Variants in EXOSC2 observed in about 807,000 individuals in gnomAD.
The protein encoded by EXOSC2 is exosome complex component RRP4.
EXOSC2 carries 29 observed loss-of-function variants against 37.6 expected under a neutral mutation model. The observed-to-expected ratio is 0.77, with a 90% confidence interval of 0.57 to 1.05. EXOSC2 has a LOEUF of 1.05. Among genes scored for constraint, EXOSC2 ranks in the 50% least tolerant of loss-of-function variants. The probability of loss-of-function intolerance (pLI) is 0.00; values close to 1 mark genes in which losing one functional copy is unlikely to be tolerated. For synonymous variants in EXOSC2, 119 were observed against 131.1 expected (o/e 0.91, Z 0.63); for missense variants, 346 against 365.6 (o/e 0.95, Z 0.44).
chr9:130,695,855 CTT>C (rs397721632), intron 2 of EXOSC2, among the ~76,000 whole-genome samples: 6 of 111,174 alleles, frequency 5.4e-5, no homozygotes, highest in African/African-American at 1.4e-4. Context: ...AGGATTTTCT[CTT>C]TTTTTTTTTT....
In EXOSC2 at chr9:130,695,531, A is replaced by T. The variant is rs148157757; in HGVS notation, c.162A>T (p.Ala54=). The T allele has an allele frequency of 2.5e-6, 4 of 1,614,122 alleles. No homozygotes were observed. In the African/African-American group the frequency reaches 5.3e-5, roughly 22 times the overall value. The stretch of plus-strand genomic sequence containing the variant: ...ATATGGGAGAAGAGAAGCTCATTGC[A>T]TCTGTTGCTGGCTCTGTGGAGAGAG... The part of the protein sequence containing the change: ...GTYMGEEKLI[A]SVAGSVERVN... Residue 54 remains alanine, a synonymous_variant, in exon 2 of 9, where the codon GCA becomes GCT. Transcript: ENST00000372358.
Position 130,703,910 on chromosome 9 carries a change from C to A in EXOSC2, c.*136C>A. ...TTGACGGCCCTGTGACGGCCTCCAG[C>A]CCACAGGCCTGCTTTCTCCTGTCCT... is the stretch of plus-strand genomic sequence containing the variant. On this transcript the variant is annotated 3_prime_UTR_variant, in exon 9 of 9. Coordinates refer to ENST00000372358, the MANE Select transcript of EXOSC2 (RefSeq NM_014285.7). The A allele has an allele frequency of 1.5e-6, 1 of 672,172 alleles. No homozygotes were observed. The highest frequency in any genetic ancestry group is 2.5e-6 in the Non-Finnish European group (1 of 400,282). The allele number at this position is 672,172 out of a possible 1,614,324, so 41.6% of individuals were successfully genotyped here.
intron 2 of EXOSC2, among the ~76,000 whole-genome samples, chr9:130,697,320 G>T (rs1220140973): frequency 6.6e-6 from 1 of 152,158 alleles, no homozygotes; most frequent in East Asian, 1.9e-4. Flanking sequence ...TCGTGTAATC[G>T]AACAAAATAG....
chr9:130,699,724 G>A (rs1017590151), intron 5 of EXOSC2: 2 of 260,764 alleles, frequency 7.7e-6, no homozygotes, highest in African/African-American at 2.2e-5. Flanking sequence ...ATGACAGGCC[G>A]AGTGTGGTGA....
chr9:130,700,208 C>G (rs1359671346), intron 5 of EXOSC2, among the ~76,000 whole-genome samples: 1 of 151,724 alleles, frequency 6.6e-6, no homozygotes, highest in Non-Finnish European at 1.5e-5. Flanking sequence ...TTAGTAGAGA[C>G]AGGTTTCACC....
At position 130,704,571 on chromosome 9, in the gene EXOSC2, C is replaced by G. The variant is rs1061967; in HGVS notation, c.*797C>G. ...AAGCAGCCTTTTGCTTGGTTGGAAT[C>G]TGATTTTCTGTTGCGTGTTCCTTGT... On this transcript the variant is annotated 3_prime_UTR_variant, in exon 9 of 9. Transcript: ENST00000372358. The G allele has an allele frequency of 1.3e-5, 2 of 151,806 alleles. No individual in the cohort carries two copies. The highest frequency in any genetic ancestry group is 2.4e-5 in the African/African-American group (1 of 41,382). The allele number at this position is 151,806 out of a possible 1,614,324, so 9.4% of individuals were successfully genotyped here. A position where few individuals can be genotyped will look rare whatever the true frequency, so the allele number is the denominator to read the frequency against.
At chr9:130,702,349 G>A in intron 7 of EXOSC2, 39 bp downstream of exon 7, 1 of 1,566,820 alleles carries the variant, frequency 6.4e-7, no homozygotes, top group South Asian at 1.1e-5. Flanking sequence ...GGGATGGAGG[G>A]GGCTCAGTCT....
chr9:130,701,972 GTT>G, intron 6 of EXOSC2, 160 bp from the exon 7 acceptor site: 2 of 1,428,102 alleles, frequency 1.4e-6, no homozygotes, highest in Non-Finnish European at 1.8e-6. Context: ...GTCCCAAAGC[GTT>G]CTCTGCAAAA....
Position 130,703,035 on chromosome 9 carries a change from C to G in EXOSC2, c.673-18C>G. Reference sequence around the variant, plus strand: ...GTCCTGTTTGTATTTCCCTTCCCCTCTCTGTGTCTCCTTATAGCCTGTCTC... The same window carrying G: ...GTCCTGTTTGTATTTCCCTTCCCCTGTCTGTGTCTCCTTATAGCCTGTCTC... On this transcript the variant is annotated intron_variant, in intron 7 of 8. Coordinates refer to ENST00000372358, the MANE Select transcript of EXOSC2 (RefSeq NM_014285.7). 6.2e-7 allele frequency: 1 copy of G among 1,602,876 alleles called. No homozygotes were observed. The highest frequency in any genetic ancestry group is 8.5e-7 in the Non-Finnish European group (1 of 1,172,376).
At chr9:130,699,871 G>C (rs1236968707) in intron 5 of EXOSC2, 1 of 161,758 alleles carries the variant, frequency 6.2e-6, no homozygotes, top group African/African-American at 2.4e-5. Context: ...GCCGGGCGTG[G>C]TGGCACATGC....
In EXOSC2 at chr9:130,694,640, A is replaced by G. The variant is rs1167091147; in HGVS notation, c.122+727A>G. Among the ~76,000 whole-genome samples the G allele has an allele frequency of 5.9e-5, 9 of 152,054 alleles. No homozygotes were observed. The highest frequency in any genetic ancestry group is 4.4e-5 in the Non-Finnish European group (3 of 67,980). ...CAACCTTTATTATTATTATTTTTTT[A>G]CTTGTATATGTACAAGGGGCACAGC... On this transcript the variant is annotated intron_variant, in intron 1 of 8. Transcript: ENST00000372358. This position sits in a 1 kb window ranked among gnomAD's most constrained non-coding sequence, Gnocchi z 4.0.
chr9:130,703,643 T>G (rs773114946), intron 8 of EXOSC2, 51 bp from the exon 9 acceptor site: 1 of 1,410,640 alleles, frequency 7.1e-7, no homozygotes, highest in Non-Finnish European at 9.9e-7. Context: ...GGCTTGGTGG[T>G]CTGTTTATGG....
intron 2 of EXOSC2, among the ~76,000 whole-genome samples, chr9:130,696,603 G>A (rs1042821812): frequency 3.3e-5 from 5 of 152,182 alleles, no homozygotes; most frequent in African/African-American, 1.2e-4. Context: ...TTTATTTTCC[G>A]AGTGTTTTTT....
chr9:130,693,916 A>G lies in EXOSC2; in HGVS notation c.122+3A>G, dbSNP rs1176747699. ...ACTACGGACACAGGATTCATGCGGT[A>G]CGTGGGGACTTGGGGGAGTCGAGGC... is the stretch of plus-strand genomic sequence containing the variant. On this transcript the variant is annotated splice_donor_region_variant and intron_variant, in intron 1 of 8. Coordinates refer to ENST00000372358, the MANE Select transcript of EXOSC2 (RefSeq NM_014285.7). 1 of 1,599,786 alleles carries G rather than the reference A, an allele frequency of 6.3e-7. No homozygotes were observed. Among genetic ancestry groups the G allele is most frequent in the South Asian group, 1.1e-5 (1 of 90,362 alleles).
rs954298339 is a variant in EXOSC2 at position 130,702,122 on chromosome 9, A to G, written c.496-12A>G. Reference sequence around the variant, plus strand: ...TCTTGCAGTGACCTAGCTTCGTGATATATTTCTTTAGCTAGGTCAGGGGGT... The same window carrying G: ...TCTTGCAGTGACCTAGCTTCGTGATGTATTTCTTTAGCTAGGTCAGGGGGT... On this transcript the variant is annotated splice_polypyrimidine_tract_variant and intron_variant, in intron 6 of 8. Transcript: ENST00000372358. 1.9e-6 allele frequency: 3 copies of G among 1,612,826 alleles called. No individual in the cohort carries two copies. Among genetic ancestry groups the G allele is most frequent in the Admixed American group, 1.7e-5 (1 of 59,626 alleles).
chr9:130,700,795 A>G, intron 5 of EXOSC2, 72 bp from the exon 6 acceptor site: 1 of 1,434,398 alleles, frequency 7.0e-7, no homozygotes, highest in East Asian at 2.3e-5. Context: ...TGTGGGGTCA[A>G]GGGGAGAGGC....
rs1006440166 is a variant in EXOSC2 at position 130,697,606 on chromosome 9, C to T, written c.249C>T (p.Ile83=). Residue 83 remains isoleucine, a synonymous_variant, in exon 3 of 9, where the codon ATC becomes ATT. Transcript: ENST00000372358. ...KTRYIGEVGD[I]VVGRITEVQQ... ...GATACATTGGTGAAGTAGGAGACATCGTAGTGGGACGAATCACAGAGGTAA... is the reference window on the plus strand; with the variant it reads ...GATACATTGGTGAAGTAGGAGACATTGTAGTGGGACGAATCACAGAGGTAA... The T allele has an allele frequency of 2.6e-5, 42 of 1,613,920 alleles. No homozygotes were observed. Among genetic ancestry groups the T allele is most frequent in the Non-Finnish European group, 3.2e-5 (38 of 1,179,958 alleles).
chr9:130,703,350 A>G (rs182681603), intron 8 of EXOSC2, among the ~76,000 whole-genome samples, 169 bp downstream of exon 8: 10 of 152,332 alleles, frequency 6.6e-5, no homozygotes, highest in Non-Finnish European at 1.0e-4. Context: ...GAAACTTGCA[A>G]TATTCTCAAT....
Position 130,698,209 on chromosome 9 carries a change from G to A in EXOSC2, c.318G>A (p.Ser106=), listed in dbSNP as rs138555762. Residue 106 remains serine, a synonymous_variant, in exon 4 of 9, where the codon TCG becomes TCA. Transcript: ENST00000372358. The surrounding 1 kb of genome is among the most constrained non-coding windows in gnomAD (Gnocchi z 4.1). The part of the protein sequence containing the change: ...WKVETNSRLD[S]VLLLSSMNLP... ...TGGAGACCAACTCCAGGCTGGATTC[G>A]GTCTTGCTGCTCTCGTCCATGAACC... is the stretch of plus-strand genomic sequence containing the variant. 1.3e-3 allele frequency: 2,086 copies of A among 1,614,142 alleles called. 1 individual carries two copies. Among genetic ancestry groups the A allele is most frequent in the Non-Finnish European group, 1.7e-3 (1,957 of 1,180,022 alleles).
Sources: allele counts gnomAD v4.1 joint callset (sites outside exome capture counted in the v4.1 genomes callset), GRCh38; gene constraint gnomAD v4.1.1; non-coding constraint Gnocchi (gnomAD v3.1); transcripts MANE v1.5; gene names NCBI Gene and HGNC (gene_info 2026-07-23, HGNC 2026-07-21).